HSD17B4: variants seen among roughly 807,000 people sequenced by gnomAD.
HSD17B4 encodes the protein peroxisomal multifunctional enzyme type 2.
Under a neutral mutation model 101.0 loss-of-function variants are expected in HSD17B4, and 70 were observed. The observed-to-expected ratio is 0.69, with a 90% CI of 0.57 to 0.85. The LOEUF (loss-of-function observed/expected upper bound fraction) is 0.85. Among genes scored for constraint, HSD17B4 ranks in the 40% least tolerant of loss-of-function variants. The pLI, the probability that HSD17B4 is intolerant of heterozygous loss-of-function variation, is 0.00. For synonymous variants in HSD17B4, 347 were observed against 297.1 expected, an observed-to-expected ratio of 1.17 and a Z score of -1.73; for missense variants, 984 against 892.4, an observed-to-expected ratio of 1.10 and a Z score of -1.31.
At chr5:119,471,725 C>T (rs1411977422) in intron 2 of HSD17B4, 1 of 1,275,104 alleles carries the variant, frequency 7.8e-7, no homozygotes. Context: ...TTCTGTTTTT[C>T]CAAGTTATTT....
intron 10 of HSD17B4, chr5:119,492,609 G>A (rs1750213707): frequency 6.4e-6 from 1 of 155,532 alleles, no homozygotes. Flanking sequence ...GAATCACATT[G>A]GACAACTTAC....
At position 119,478,837 on chromosome 5, in the gene HSD17B4, TA is replaced by T. The variant is rs2126702418; in HGVS notation, c.439del (p.Ile147LeufsTer2). The T allele has an allele frequency of 6.2e-7, 1 of 1,611,770 alleles. No homozygotes were observed. Among genetic ancestry groups the T allele is most frequent in the East Asian group, 2.2e-5 (1 of 44,874 alleles). On this transcript the variant is annotated frameshift_variant, in exon 8 of 24. Transcript: ENST00000510025. LOFTEE classifies it high-confidence loss of function. ...HMKKQKYGRIIMTSSASGIYG... is the reference protein window; with the variant it reads ...HMKKQKYGRIXMTSSASGIYG... ...GAGAGATTGATTTTCTTTTTAGGAT[TA>T]TTATGACTTCATCAGCTTCAGGAAT...
chr5:119,489,047 C>T (rs560640609), intron 8 of HSD17B4, 145 bp from the exon 9 acceptor site: 210 of 606,654 alleles, frequency 3.5e-4, no homozygotes, highest in Non-Finnish European at 5.2e-4. Flanking sequence ...AAAAGTTCTT[C>T]GCAAAGACTT....
intron 20 of HSD17B4, 61 bp downstream of exon 20, chr5:119,527,280 T>G (rs182516654): frequency 7.4e-6 from 7 of 948,824 alleles, no homozygotes; most frequent in African/African-American, 6.5e-5. Flanking sequence ...ATCTTACCAT[T>G]TTTTTTTGGT....
At position 119,456,515 on chromosome 5, in the gene HSD17B4, T is replaced by C. The variant is rs946916347; in HGVS notation, c.112+147T>C. 1.2e-5 allele frequency: 8 copies of C among 656,122 alleles called. No homozygotes were observed. In the African/African-American group the frequency reaches 1.3e-4, roughly 11 times the overall value. The allele number at this position is 656,122 out of a possible 1,614,324, so 40.6% of individuals were successfully genotyped here. ...TTTGCCAGAAGGTTTTTACCCCGAC[T>C]AAGGCTGTCTGTCTAAATTACTTTT... On this transcript the variant is annotated intron_variant, in intron 2 of 23. Coordinates refer to ENST00000510025, the MANE Select transcript of HSD17B4 (RefSeq NM_000414.4).
chr5:119,479,013 T>C lies in HSD17B4; in HGVS notation c.614T>C (p.Met205Thr), dbSNP rs761601392. ...GGATCACGGATGACTCAGACAGTTA[T>C]GCCTGAAGGTAAGTAAGCAAGCTTA... ...NAGSRMTQTV[M>T]PEDLVEALKP... Residue 205 changes from methionine to threonine, a missense_variant, in exon 8 of 24, where the codon ATG becomes ACG. Transcript: ENST00000510025. The C allele has an allele frequency of 9.9e-6, 16 of 1,612,404 alleles. No individual in the cohort carries two copies. Among genetic ancestry groups the C allele is most frequent in the Non-Finnish European group, 1.3e-5 (15 of 1,178,656 alleles).
At chr5:119,475,798 T>TAC (rs759680673) in intron 5 of HSD17B4, 26 bp from the exon 6 acceptor site, 16 of 1,588,264 alleles carry the variant, frequency 1.0e-5, no homozygotes, top group Non-Finnish European at 1.4e-5. Flanking sequence ...TTCCTCCTTT[T>TAC]ACCCTATACA....
intron 11 of HSD17B4, chr5:119,495,832 G>A (rs1400429305): frequency 6.4e-6 from 1 of 155,320 alleles, no homozygotes; most frequent in African/African-American, 2.4e-5. Context: ...CCCCACGCCT[G>A]GCTAATTTTT....
At chr5:119,541,405 G>A (rs955615096) in intron 23 of HSD17B4, among the ~76,000 whole-genome samples, 12 of 152,132 alleles carry the variant, frequency 7.9e-5, no homozygotes, top group African/African-American at 2.9e-4. Context: ...CTATTAAGGG[G>A]CACAGCCTGG....
intron 23 of HSD17B4, among the ~76,000 whole-genome samples, chr5:119,539,053 T>G (rs1170727428): frequency 6.6e-6 from 1 of 152,132 alleles, no homozygotes; most frequent in Non-Finnish European, 1.5e-5. Context: ...TTAGGCTGTA[T>G]AGAAATTAGA....
At position 119,502,064 on chromosome 5, in the gene HSD17B4, A is replaced by G. The variant is rs760910575; in HGVS notation, c.1233A>G (p.Leu411=). The stretch of plus-strand genomic sequence containing the variant: ...AGGTTCTTCATGGAGAGCAGTACTT[A>G]GAGTTATATAAACCACTTCCCAGAG... The part of the protein sequence containing the change: ...FAKVLHGEQY[L]ELYKPLPRAG... The change falls in exon 14 of 24, where the codon TTA becomes TTG. Residue 411 remains leucine, a synonymous_variant. Transcript: ENST00000510025. 2 of 1,604,608 alleles carry G rather than the reference A, an allele frequency of 1.2e-6. No homozygotes were observed. Among genetic ancestry groups the G allele is most frequent in the Non-Finnish European group, 1.7e-6 (2 of 1,171,472 alleles).
intron 22 of HSD17B4, among the ~76,000 whole-genome samples, chr5:119,531,976 T>C (rs1196088978): frequency 8.5e-5 from 13 of 152,156 alleles, no homozygotes; most frequent in Admixed American, 8.5e-4. Context: ...AAGAAAGCAG[T>C]CATATTTCTT....
chr5:119,489,962 A>G (rs570180712), intron 9 of HSD17B4, among the ~76,000 whole-genome samples: 6 of 151,992 alleles, frequency 3.9e-5, no homozygotes, highest in African/African-American at 7.2e-5. Context: ...GCCAATTTAT[A>G]TATTTTTGAT....
At chr5:119,455,191 G>T (rs577460911) in intron 1 of HSD17B4, among the ~76,000 whole-genome samples, 79 of 152,278 alleles carry the variant, frequency 5.2e-4, no homozygotes, top group African/African-American at 1.9e-3. Flanking sequence ...AGTTTCTAAT[G>T]TGTTTTTCCC....
chr5:119,488,140 C>T (rs972178300), intron 8 of HSD17B4, among the ~76,000 whole-genome samples: 2 of 152,072 alleles, frequency 1.3e-5, no homozygotes, highest in African/African-American at 4.8e-5. Flanking sequence ...AATTGTATCT[C>T]ATTTGAGCCT....
At chr5:119,525,845 C>G in intron 18 of HSD17B4, 72 bp from the exon 19 acceptor site, 1 of 877,068 alleles carries the variant, frequency 1.1e-6, no homozygotes, top group Non-Finnish European at 2.0e-6. Context: ...TTTTAAAGTC[C>G]TGAATTAACT....
At chr5:119,526,290 A>ATATATG (rs1561486094) in intron 19 of HSD17B4, among the ~76,000 whole-genome samples, 1 of 150,728 alleles carries the variant, frequency 6.6e-6, no homozygotes, top group Non-Finnish European at 1.5e-5. Context: ...TATTATATAT[A>ATATATG]TATATATCAG....
At chr5:119,472,602 T>G (rs1756485167) in intron 2 of HSD17B4, 2 of 152,138 alleles carry the variant, frequency 1.3e-5, no homozygotes, top group Non-Finnish European at 2.9e-5. Context: ...CCCAGCTAAT[T>G]TTTGGATTTT....
At chr5:119,530,871 C>CA (rs1341040897) in intron 21 of HSD17B4, among the ~76,000 whole-genome samples, 3 of 93,494 alleles carry the variant, frequency 3.2e-5, no homozygotes, top group African/African-American at 4.3e-5. Context: ...AAACAAAAAA[C>CA]AAAAAAAACC....
Sources: gnomAD v4.1 joint callset for allele counts (sites outside exome capture counted in the v4.1 genomes callset) on GRCh38, gnomAD v4.1.1 for gene constraint, MANE v1.5 for transcripts, NCBI Gene and HGNC (gene_info 2026-07-23, HGNC 2026-07-21) for gene names.